Variants in RICTOR observed in about 807,000 individuals in gnomAD.
RICTOR encodes the protein RPTOR independent companion of MTOR complex 2, also known as rapamycin-insensitive companion of mTOR.
In RICTOR, 49 loss-of-function variants were observed where a neutral mutation model predicts 214.9. That is an observed-to-expected ratio of 0.23 (90% CI 0.18 to 0.29). The LOEUF is 0.29. Among genes scored for constraint, RICTOR ranks in the 10% least tolerant of loss-of-function variants. The probability of loss-of-function intolerance (pLI) is 1.00; values close to 1 mark genes in which losing one functional copy is unlikely to be tolerated. For synonymous variants in RICTOR, 717 were observed against 711.3 expected (o/e 1.01, Z -0.13); for missense variants, 1,625 against 2,047.0 (o/e 0.79, Z 3.98).
At chr5:39,036,976 A>T (rs1756759146) in intron 2 of RICTOR, among the ~76,000 whole-genome samples, 1 of 152,196 alleles carries the variant, frequency 6.6e-6, no homozygotes, top group African/African-American at 2.4e-5. Flanking sequence ...CCTAATAGAC[A>T]TCTACAGAAC....
intron 10 of RICTOR, among the ~76,000 whole-genome samples, chr5:38,973,828 T>C (rs1205879937): frequency 1.3e-5 from 2 of 152,180 alleles, no homozygotes; most frequent in Non-Finnish European, 2.9e-5. Flanking sequence ...AAATGTGTTC[T>C]AAAAGATCAT....
intron 36 of RICTOR, among the ~76,000 whole-genome samples, chr5:38,943,556 G>C (rs1259130674): frequency 6.6e-6 from 1 of 152,096 alleles, no homozygotes; most frequent in Non-Finnish European, 1.5e-5. Context: ...GCTCATGCCT[G>C]TAATCCCAGC....
chr5:39,042,936 C>T (rs1757266777), intron 2 of RICTOR, among the ~76,000 whole-genome samples: 1 of 152,014 alleles, frequency 6.6e-6, no homozygotes. Context: ...GCCTGGGTGA[C>T]AGAGCAAGAC....
rs1554011864 is a variant in RICTOR, at chr5:39,051,063, A to ACG, written c.97+23046_97+23047dup. On this transcript the variant is annotated intron_variant, in intron 2 of 37. Coordinates refer to ENST00000357387, the MANE Select transcript of RICTOR (RefSeq NM_152756.5). Reference sequence around the variant, plus strand: ...TATATACACACACACACACACACACACGCACCTACACACACACACACGCGG... The same window carrying ACG: ...TATATACACACACACACACACACACACGCGCACCTACACACACACACACGCGG... Among the ~76,000 whole-genome samples, 321 of 151,328 alleles carry ACG rather than the reference A, an allele frequency of 2.1e-3. 1 individual carries two copies. Among genetic ancestry groups the ACG allele is most frequent in the African/African-American group, 7.5e-3 (308 of 41,230 alleles).
In RICTOR at chr5:39,034,982, C is replaced by T. The variant is rs182273990; in HGVS notation, c.98-13846G>A. On this transcript the variant is annotated intron_variant, in intron 2 of 37. Coordinates refer to ENST00000357387, the MANE Select transcript of RICTOR (RefSeq NM_152756.5). ...GAAGAGAGCAGTGGTTCTCCCAGCA[C>T]GCAGCTGGAGATCTGAGAACGGGCA... 1.6e-4 allele frequency among the ~76,000 whole-genome samples: 24 copies of T among 152,344 alleles called. No homozygotes were observed. The South Asian group carries it at 2.1e-3, about 13-fold the overall frequency.
intron 2 of RICTOR, among the ~76,000 whole-genome samples, chr5:39,039,129 T>C (rs1264669747): frequency 1.3e-5 from 2 of 151,996 alleles, no homozygotes; most frequent in East Asian, 1.9e-4. Flanking sequence ...TATAGACCAA[T>C]GGAACAGAAC....
At chr5:39,042,801 C>T (rs1304687935) in intron 2 of RICTOR, among the ~76,000 whole-genome samples, 1 of 152,172 alleles carries the variant, frequency 6.6e-6, no homozygotes, top group African/African-American at 2.4e-5. Context: ...AATAAATACA[C>T]AGAAACTTTA....
In RICTOR at chr5:38,963,039, C is replaced by G. The variant is rs749429040; in HGVS notation, c.1403G>C (p.Arg468Pro). 1 of 1,603,586 alleles carries G rather than the reference C, an allele frequency of 6.2e-7. No homozygotes were observed. The highest frequency in any genetic ancestry group is 2.2e-5 in the East Asian group (1 of 44,732). ...TAAACAGTTCAAGGCTGCACTGGCT[C>G]GCCTAATGAGAAAAACAATTCAATC... The part of the protein sequence containing the change: ...SFDIPKEKRL[R>P]ASAALNCLKR... Residue 468 changes from arginine to proline, a missense_variant and splice_region_variant, in exon 17 of 38, where the codon CGA becomes CCA. Around this residue, in one of 5 missense-constraint regions of RICTOR, gnomAD observed 1,214 missense variants for 1,470.5 expected, o/e 0.83. Coordinates refer to ENST00000357387, the MANE Select transcript of RICTOR (RefSeq NM_152756.5).
rs1317304771 is a variant in RICTOR, at chr5:38,939,695, T to C, written c.*2609A>G. On this transcript the variant is annotated 3_prime_UTR_variant, in exon 38 of 38. Transcript: ENST00000357387. Reference sequence around the variant, plus strand: ...CAGATTCCTCCCAATTATTCAATAATTACCAATAGTACAAATTTATATGGA... The same window carrying C: ...CAGATTCCTCCCAATTATTCAATAACTACCAATAGTACAAATTTATATGGA... 1.3e-5 allele frequency: 3 copies of C among 230,632 alleles called. No homozygotes were observed. The East Asian group carries it at 1.9e-4, about 14-fold the overall frequency. The allele number at this position is 230,632 out of a possible 1,614,324, so 14.3% of individuals were successfully genotyped here.
chr5:39,034,531 G>A (rs529047614), intron 2 of RICTOR, among the ~76,000 whole-genome samples: 2 of 152,366 alleles, frequency 1.3e-5, no homozygotes, highest in South Asian at 4.1e-4. Context: ...TCCTCACCCG[G>A]GAAGTGCAAG....
At chr5:38,964,465 A>G (rs1406889942) in intron 16 of RICTOR, among the ~76,000 whole-genome samples, 2 of 151,904 alleles carry the variant, frequency 1.3e-5, no homozygotes, top group Admixed American at 1.3e-4. Context: ...GTTCATAGAC[A>G]TAAAAAAAAG....
chr5:38,999,329 T>C (rs1306175136), intron 5 of RICTOR, among the ~76,000 whole-genome samples: 4 of 151,512 alleles, frequency 2.6e-5, no homozygotes, highest in Non-Finnish European at 5.9e-5. Flanking sequence ...GGTAAAAAGA[T>C]ATATCCCAAA....
At chr5:39,002,839 T>G (rs1753742841) in intron 4 of RICTOR, among the ~76,000 whole-genome samples, 173 bp from the exon 5 acceptor site, 1 of 152,134 alleles carries the variant, frequency 6.6e-6, no homozygotes. Context: ...ACAATTTCAC[T>G]TAGTGTTGTT....
intron 25 of RICTOR, among the ~76,000 whole-genome samples, 187 bp downstream of exon 25, chr5:38,957,465 T>A (rs934435296): frequency 8.5e-5 from 13 of 152,116 alleles, no homozygotes; most frequent in Admixed American, 2.6e-4. Context: ...AACTGTAGTT[T>A]AAAAAAATGT....
chr5:38,964,532 T>G (rs1403045712), intron 16 of RICTOR, among the ~76,000 whole-genome samples: 1 of 151,908 alleles, frequency 6.6e-6, no homozygotes, highest in Non-Finnish European at 1.5e-5. Context: ...GCTAACATTT[T>G]TAGTAATATG....
chr5:38,942,985 T>C lies in RICTOR; in HGVS notation c.4914-14A>G, dbSNP rs375915473. ...TTCTCCTTAATTCTAAAATAAAAGA[T>C]TATGGTGTGATGAAAACTGTAATCA... On this transcript the variant is annotated splice_polypyrimidine_tract_variant and intron_variant, in intron 36 of 37. Transcript: ENST00000357387. 1.3e-6 allele frequency: 2 copies of C among 1,580,980 alleles called. No individual in the cohort carries two copies. The highest frequency in any genetic ancestry group is 1.7e-6 in the Non-Finnish European group (2 of 1,150,500).
In RICTOR at chr5:39,043,791, A is replaced by T. The variant is rs551653664; in HGVS notation, c.98-22655T>A. Among the ~76,000 whole-genome samples the T allele has an allele frequency of 4.4e-4, 67 of 152,190 alleles. No homozygotes were observed. In the Middle Eastern group the frequency reaches 0.014, roughly 31 times the overall value. On this transcript the variant is annotated intron_variant, in intron 2 of 37. Transcript: ENST00000357387. ...CATGAATGAGTTATCACAGGAGAGG[A>T]ACTGGTGGCTTTATAAGAAGAGAAG... is the stretch of plus-strand genomic sequence containing the variant.
Position 38,944,738 on chromosome 5 carries a change from C to G in RICTOR, c.4790-169G>C, listed in dbSNP as rs568612129. Reference sequence around the variant, plus strand: ...AATAAAAGCAGATAGCTAAGAGGCTCTATGTCAGTGGGTGATATAGGTGCA... The same window carrying G: ...AATAAAAGCAGATAGCTAAGAGGCTGTATGTCAGTGGGTGATATAGGTGCA... On this transcript the variant is annotated intron_variant, in intron 35 of 37. Coordinates refer to ENST00000357387, the MANE Select transcript of RICTOR (RefSeq NM_152756.5). Among the ~76,000 whole-genome samples, 11 of 152,264 alleles carry G rather than the reference C, an allele frequency of 7.2e-5. No individual in the cohort carries two copies. In the South Asian group the frequency reaches 2.3e-3, roughly 32 times the overall value.
At chr5:39,015,942 G>A (rs1754907115) in intron 3 of RICTOR, among the ~76,000 whole-genome samples, 1 of 152,092 alleles carries the variant, frequency 6.6e-6, no homozygotes, top group Non-Finnish European at 1.5e-5. Context: ...TGGGCTGCAA[G>A]TCTCCATCTG....
Sources: gnomAD v4.1 joint callset for allele counts (sites outside exome capture counted in the v4.1 genomes callset) on GRCh38, gnomAD v4.1.1 for gene constraint, gnomAD v4.1.1 regional missense constraint, MANE v1.5 for transcripts, NCBI Gene and HGNC (gene_info 2026-07-23, HGNC 2026-07-21) for gene names.